The following ANO3 variants were observed in gnomAD, a reference collection of about 807,000 sequenced individuals.
ANO3 encodes anoctamin 3, also known as anoctamin-3.
Under a neutral mutation model 144.8 loss-of-function variants are expected in ANO3, and 99 were observed. The observed-to-expected ratio is 0.68, with a 90% CI of 0.58 to 0.81. ANO3 has a LOEUF of 0.81. ANO3 is among the 30% of genes least tolerant of loss of function. ANO3 has a pLI of 0.00. For synonymous variants in ANO3, 414 were observed against 392.6 expected, an observed-to-expected ratio of 1.05 and a Z score of -0.64; for missense variants, 905 against 1,202.2, an observed-to-expected ratio of 0.75 and a Z score of 3.66.
chr11:26,311,963 T>C (rs1406831760), intron 1 of ANO3, among the ~76,000 whole-genome samples: 3 of 152,212 alleles, frequency 2.0e-5, no homozygotes, highest in Non-Finnish European at 4.4e-5. Context: ...ACTGGTCATT[T>C]ACATTAGGTA....
chr11:26,294,789 A>G (rs1590240446), intron 1 of ANO3, among the ~76,000 whole-genome samples: 1 of 152,228 alleles, frequency 6.6e-6, no homozygotes, highest in East Asian at 1.9e-4. Flanking sequence ...TTTCTTTGGC[A>G]TATCTTTAAC....
At chr11:26,226,442 T>C (rs1333486837) in intron 1 of ANO3, among the ~76,000 whole-genome samples, 1 of 152,136 alleles carries the variant, frequency 6.6e-6, no homozygotes, top group Non-Finnish European at 1.5e-5. Context: ...TCAGGAAATA[T>C]ATGAATGAAA....
At chr11:26,634,936 A>T in intron 19 of ANO3, 77 bp from the exon 20 acceptor site, 1 of 1,184,352 alleles carries the variant, frequency 8.4e-7, no homozygotes, top group South Asian at 1.3e-5. Context: ...CCACACATGC[A>T]CTCGTTGTGA....
At chr11:26,559,667 G>A in intron 13 of ANO3, 52 bp from the exon 14 acceptor site, 1 of 1,323,134 alleles carries the variant, frequency 7.6e-7, no homozygotes. Context: ...GTATTCACTG[G>A]CTTATTATAA....
chr11:26,263,978 A>G (rs988063809), intron 1 of ANO3, among the ~76,000 whole-genome samples: 3 of 152,218 alleles, frequency 2.0e-5, no homozygotes, highest in Non-Finnish European at 4.4e-5. Context: ...AAGCCATCAC[A>G]TTTAGTTCCA....
intron 1 of ANO3, among the ~76,000 whole-genome samples, chr11:26,418,635 T>C (rs1473678192): frequency 1.3e-5 from 2 of 152,120 alleles, no homozygotes; most frequent in Non-Finnish European, 2.9e-5. Flanking sequence ...TTTGTTCTCA[T>C]TGGGAATCTC....
chr11:26,654,718 A>T (rs1388440030), intron 24 of ANO3, among the ~76,000 whole-genome samples: 1 of 152,168 alleles, frequency 6.6e-6, no homozygotes, highest in East Asian at 1.9e-4. Context: ...GTTAAATATG[A>T]TATTAGCTAT....
chr11:26,462,042 T>C (rs1859412969), intron 3 of ANO3, among the ~76,000 whole-genome samples: 1 of 151,976 alleles, frequency 6.6e-6, no homozygotes, highest in Non-Finnish European at 1.5e-5. Context: ...AAAAACCTGA[T>C]ACTATTAGCT....
intron 1 of ANO3, among the ~76,000 whole-genome samples, chr11:26,342,287 G>A (rs1243693036): frequency 1.3e-5 from 2 of 152,096 alleles, no homozygotes; most frequent in Non-Finnish European, 2.9e-5. Context: ...TGTTTGTGTC[G>A]CCTCCAAAAT....
intron 1 of ANO3, among the ~76,000 whole-genome samples, chr11:26,417,273 T>A (rs1442767707): frequency 1.3e-5 from 2 of 152,118 alleles, no homozygotes; most frequent in Admixed American, 1.3e-4. Context: ...GCAAAAAGAC[T>A]GGACACAACC....
chr11:26,658,685 G>A (rs543952399), intron 26 of ANO3, among the ~76,000 whole-genome samples: 1 of 152,210 alleles, frequency 6.6e-6, no homozygotes, highest in Non-Finnish European at 1.5e-5. Flanking sequence ...TATAGCAAAT[G>A]TTTTGAATTT....
chr11:26,253,751 G>A (rs767400266), intron 1 of ANO3, among the ~76,000 whole-genome samples: 3 of 152,080 alleles, frequency 2.0e-5, no homozygotes, highest in Non-Finnish European at 4.4e-5. Context: ...TGGGATCTGA[G>A]GCCAGAAGAC....
intron 3 of ANO3, among the ~76,000 whole-genome samples, chr11:26,454,370 C>T (rs1321901046): frequency 9.9e-5 from 15 of 151,696 alleles, no homozygotes; most frequent in South Asian, 2.1e-4. Flanking sequence ...ATCAAATAGA[C>T]GCAATAAAAA....
intron 1 of ANO3, among the ~76,000 whole-genome samples, chr11:26,269,443 A>T (rs1853392825): frequency 6.6e-6 from 1 of 152,146 alleles, no homozygotes; most frequent in South Asian, 2.1e-4. Flanking sequence ...CTCAGCAGTG[A>T]GGTAACGCCC....
At chr11:26,217,544 A>G (rs1852058597) in intron 1 of ANO3, among the ~76,000 whole-genome samples, 1 of 152,048 alleles carries the variant, frequency 6.6e-6, no homozygotes, top group African/African-American at 2.4e-5. Context: ...CTGATCTTAG[A>G]CATGTTTTAC....
At chr11:26,414,798 G>A (rs909508418) in intron 1 of ANO3, among the ~76,000 whole-genome samples, 2 of 150,978 alleles carry the variant, frequency 1.3e-5, no homozygotes, top group South Asian at 2.1e-4. Context: ...ATTCATATCC[G>A]GTGCTAGAGC....
At chr11:26,210,566 C>G (rs1372963753) in intron 1 of ANO3, among the ~76,000 whole-genome samples, 2 of 152,158 alleles carry the variant, frequency 1.3e-5, no homozygotes, top group Non-Finnish European at 2.9e-5. Flanking sequence ...CTGTAAATTA[C>G]TTTGGGCAGT....
At chr11:26,244,245 C>T (rs1350863665) in intron 1 of ANO3, among the ~76,000 whole-genome samples, 1 of 152,036 alleles carries the variant, frequency 6.6e-6, no homozygotes, top group Non-Finnish European at 1.5e-5. Context: ...AAGGTGCTTG[C>T]TAAAAATATA....
chr11:26,400,712 A>G (rs1044946420), intron 1 of ANO3, among the ~76,000 whole-genome samples: 3 of 151,728 alleles, frequency 2.0e-5, no homozygotes, highest in Non-Finnish European at 4.4e-5. Context: ...ATATGCATAC[A>G]TATACATATA....
Sources: allele counts gnomAD v4.1 joint callset (sites outside exome capture counted in the v4.1 genomes callset), GRCh38; gene constraint gnomAD v4.1.1; transcripts MANE v1.5; gene names NCBI Gene and HGNC (gene_info 2026-07-23, HGNC 2026-07-21).